DHX57: variants seen among roughly 807,000 people sequenced by gnomAD.
DHX57 encodes DExH-box helicase 57.
Under a neutral mutation model 156.2 loss-of-function variants are expected in DHX57, and 105 were observed. The observed-to-expected ratio is 0.67, with a 90% CI of 0.57 to 0.79. The LOEUF (loss-of-function observed/expected upper bound fraction) is 0.79. Ranked by LOEUF, DHX57 falls within the 30% of genes least tolerant of loss-of-function variation. The pLI is 0.00. For missense variants in DHX57, 1,847 were observed against 1,661.9 expected (o/e 1.11, Z -1.94); for synonymous variants, 704 against 595.6 (o/e 1.18, Z -2.65).
chr2:38,833,345 G>A (rs1467667176), intron 13 of DHX57, among the ~76,000 whole-genome samples: 1 of 152,012 alleles, frequency 6.6e-6, no homozygotes, highest in Non-Finnish European at 1.5e-5. Flanking sequence ...GTTTCTCCAT[G>A]TTGGCCAGGC....
intron 17 of DHX57, among the ~76,000 whole-genome samples, chr2:38,820,434 C>T (rs1394553459): frequency 3.3e-5 from 5 of 151,952 alleles, no homozygotes; most frequent in Non-Finnish European, 5.9e-5. Context: ...CAGACATCAA[C>T]GTCTCTAATG....
At chr2:38,828,459 T>C (rs1346528609) in intron 13 of DHX57, 23 bp from the exon 14 acceptor site, 2 of 1,556,550 alleles carry the variant, frequency 1.3e-6, no homozygotes, top group East Asian at 4.5e-5. Flanking sequence ...AAAGAATCAA[T>C]ATGTGGGTAA....
intron 11 of DHX57, among the ~76,000 whole-genome samples, chr2:38,844,831 A>G (rs1672184046): frequency 6.6e-6 from 1 of 152,166 alleles, no homozygotes; most frequent in Admixed American, 6.6e-5. Flanking sequence ...GTAGTCTGAG[A>G]GTGCTAAGGT....
chr2:38,803,806 C>G (rs1485589656), intron 22 of DHX57, among the ~76,000 whole-genome samples: 1 of 139,626 alleles, frequency 7.2e-6, no homozygotes. Flanking sequence ...TTTTGAGATG[C>G]AGTCTCGCTC....
In DHX57 at chr2:38,823,137, A is replaced by G; in HGVS notation, c.3147T>C (p.Asp1049=). 1.2e-6 allele frequency: 2 copies of G among 1,614,236 alleles called. No homozygotes were observed. The highest frequency in any genetic ancestry group is 1.7e-6 in the Non-Finnish European group (2 of 1,180,046). ...GATACCCAAGAGGGGTCAATCTTTCATCTGGAGTTAATGCTCCTAAGTCTC... is the reference window on the plus strand; with the variant it reads ...GATACCCAAGAGGGGTCAATCTTTCGTCTGGAGTTAATGCTCCTAAGTCTC... ...RLRDLGALTP[D]ERLTPLGYHL... is the part of the protein sequence containing the mutation. The change falls in exon 17 of 24, where the codon GAT becomes GAC. Residue 1049 remains aspartate, a synonymous_variant. Transcript: ENST00000457308.
Position 38,818,831 on chromosome 2 carries a change from G to A in DHX57, c.3471+46C>T, listed in dbSNP as rs749743012. 3.1e-5 allele frequency: 49 copies of A among 1,596,578 alleles called. 1 individual carries two copies. In the South Asian group the frequency reaches 5.2e-4, roughly 17 times the overall value. On this transcript the variant is annotated intron_variant, in intron 19 of 23. Transcript: ENST00000457308. Reference sequence around the variant, plus strand: ...ACAAAGTCGCAGCACCCTCTGGTGAGCTACTCTAATAAAAAAATGAAGAAA... The same window carrying A: ...ACAAAGTCGCAGCACCCTCTGGTGAACTACTCTAATAAAAAAATGAAGAAA...
At chr2:38,821,227 A>G (rs1362000213) in intron 17 of DHX57, among the ~76,000 whole-genome samples, 4 of 152,294 alleles carry the variant, frequency 2.6e-5, no homozygotes, top group Admixed American at 2.0e-4. Context: ...TCCTTAGAGA[A>G]AAACTGAGAG....
At chr2:38,836,914 G>A (rs1671699157) in intron 13 of DHX57, among the ~76,000 whole-genome samples, 2 of 152,008 alleles carry the variant, frequency 1.3e-5, no homozygotes, top group South Asian at 2.1e-4. Flanking sequence ...GTGCAGTGGT[G>A]CGATCATGGC....
chr2:38,872,209 T>G (rs1168275263), intron 1 of DHX57, among the ~76,000 whole-genome samples: 1 of 152,174 alleles, frequency 6.6e-6, no homozygotes, highest in Admixed American at 6.5e-5. Flanking sequence ...TAAGCTAATA[T>G]AAATCTGAAG....
At chr2:38,807,833 A>G (rs1670032257) in intron 21 of DHX57, among the ~76,000 whole-genome samples, 1 of 149,902 alleles carries the variant, frequency 6.7e-6, no homozygotes, top group Non-Finnish European at 1.5e-5. Context: ...TTCAGTGTAG[A>G]AGTGGTTTCT....
chr2:38,864,945 T>A (rs1300477407), intron 2 of DHX57, among the ~76,000 whole-genome samples: 5 of 152,196 alleles, frequency 3.3e-5, no homozygotes, highest in Admixed American at 6.6e-5. Context: ...TTCCTTGACC[T>A]ACCAGAAGCA....
intron 21 of DHX57, chr2:38,811,300 C>G (rs1670232714): frequency 1.9e-6 from 1 of 525,190 alleles, no homozygotes; most frequent in East Asian, 4.6e-5. Flanking sequence ...CAAACCAGAC[C>G]TGATCGTTCC....
chr2:38,804,396 A>T (rs1669845525), intron 22 of DHX57, among the ~76,000 whole-genome samples: 1 of 152,152 alleles, frequency 6.6e-6, no homozygotes, highest in Non-Finnish European at 1.5e-5. Context: ...GGGCTGAGGC[A>T]TGAGAATCCC....
At position 38,858,835 on chromosome 2, in the gene DHX57, A is replaced by T. The variant is rs1167841584; in HGVS notation, c.1413T>A (p.Val471=). 2 of 1,606,566 alleles carry T rather than the reference A, an allele frequency of 1.2e-6. No homozygotes were observed. The highest frequency in any genetic ancestry group is 1.7e-6 in the Non-Finnish European group (2 of 1,178,364). Residue 471 remains valine (V), a splice_region_variant and synonymous_variant, in exon 6 of 24, where the codon GTT becomes GTA. Coordinates refer to ENST00000457308, the MANE Select transcript of DHX57 (RefSeq NM_198963.3). The part of the protein sequence containing the change: ...NSFVSNQIPE[V]EKASESEESD... ...ACTCCTCAGATTCTGATGCTTTTTC[A>T]ACTTGAAGGAAATAAAAGAAAACAT... is the stretch of plus-strand genomic sequence containing the variant.
chr2:38,840,977 C>A (rs1483414673), intron 12 of DHX57, among the ~76,000 whole-genome samples: 1 of 152,136 alleles, frequency 6.6e-6, no homozygotes, highest in Non-Finnish European at 1.5e-5. Context: ...AACTACCATG[C>A]CCGGCTAATT....
chr2:38,862,995 A>G (rs2124935188), intron 3 of DHX57: 1 of 170,220 alleles, frequency 5.9e-6, no homozygotes, highest in Middle Eastern at 2.7e-3. Flanking sequence ...TTAGGCAGAC[A>G]GTCATGACAA....
intron 12 of DHX57, among the ~76,000 whole-genome samples, chr2:38,840,147 G>A (rs1257390075): frequency 6.6e-6 from 1 of 152,068 alleles, no homozygotes; most frequent in African/African-American, 2.4e-5. Flanking sequence ...GCAGCACCAT[G>A]TTGCCCAGGC....
intron 2 of DHX57, among the ~76,000 whole-genome samples, chr2:38,866,727 T>C (rs1426041519): frequency 6.6e-6 from 1 of 152,202 alleles, no homozygotes; most frequent in Non-Finnish European, 1.5e-5. Flanking sequence ...ACCTATAATG[T>C]CCATGTTTTG....
At chr2:38,859,204 A>G (rs1256595562) in intron 5 of DHX57, among the ~76,000 whole-genome samples, 1 of 152,248 alleles carries the variant, frequency 6.6e-6, no homozygotes, top group African/African-American at 2.4e-5. Flanking sequence ...AATAAAAAGG[A>G]ATGATGTAGT....
Sources: allele counts gnomAD v4.1 joint callset (sites outside exome capture counted in the v4.1 genomes callset), GRCh38; gene constraint gnomAD v4.1.1; transcripts MANE v1.5; gene names NCBI Gene and HGNC (gene_info 2026-07-23, HGNC 2026-07-21).